The following USP32 variants were observed in gnomAD, a reference collection of about 807,000 sequenced individuals.
USP32 encodes ubiquitin specific peptidase 32.
USP32 carries 59 observed loss-of-function variants against 204.8 expected under a neutral mutation model. The ratio of observed to expected loss-of-function variants is 0.29; its 90% CI spans 0.23 to 0.36. The LOEUF (loss-of-function observed/expected upper bound fraction) is 0.36. Among genes scored for constraint, USP32 ranks in the 10% least tolerant of loss-of-function variants. The pLI, the probability that USP32 is intolerant of heterozygous loss-of-function variation, is 1.00. For synonymous variants in USP32, 517 were observed against 678.4 expected (o/e 0.76, Z 3.70); for missense variants, 1,160 against 1,946.4 (o/e 0.60, Z 7.60).
chr17:60,383,508 G>A (rs1034417053), intron 1 of USP32, among the ~76,000 whole-genome samples: 1 of 152,136 alleles, frequency 6.6e-6, no homozygotes, highest in Non-Finnish European at 1.5e-5. Context: ...GACAATAAAC[G>A]TGATAATTAC....
intron 24 of USP32, 50 bp from the exon 25 acceptor site, chr17:60,207,182 G>A (rs374846523): frequency 4.1e-4 from 639 of 1,573,726 alleles, no homozygotes; most frequent in Non-Finnish European, 4.9e-4. Flanking sequence ...CAGATAAAAT[G>A]GAAAAGTTCT....
intron 7 of USP32, among the ~76,000 whole-genome samples, chr17:60,267,994 C>T (rs966010831): frequency 2.0e-5 from 3 of 151,034 alleles, no homozygotes; most frequent in Admixed American, 1.3e-4. Flanking sequence ...TATTTTTAGC[C>T]GAGACTATGT....
chr17:60,327,054 T>C (rs2088257704), intron 2 of USP32, among the ~76,000 whole-genome samples: 1 of 152,170 alleles, frequency 6.6e-6, no homozygotes, highest in Non-Finnish European at 1.5e-5. Flanking sequence ...AGTTGTAGCA[T>C]GCTACAGCAC....
At chr17:60,286,136 C>CA (rs1170911336) in intron 5 of USP32, among the ~76,000 whole-genome samples, 7,305 of 83,898 alleles carry the variant, frequency 0.087, 620 homozygotes, top group African/African-American at 0.23. Flanking sequence ...ACAGTGTGTC[C>CA]AAAAAAAAAA....
chr17:60,316,303 A>AT (rs879738236), intron 2 of USP32: 20 of 155,822 alleles, frequency 1.3e-4, no homozygotes, highest in South Asian at 1.9e-4. Flanking sequence ...TGAACCCTAG[A>AT]TTTTTTTTTC....
At chr17:60,229,211 T>TA (rs2085479444) in intron 12 of USP32, among the ~76,000 whole-genome samples, 1 of 152,084 alleles carries the variant, frequency 6.6e-6, no homozygotes, top group East Asian at 1.9e-4. Flanking sequence ...AACTAATTTT[T>TA]AAAGTTTTCA....
At chr17:60,369,419 T>G (rs796955220) in intron 1 of USP32, among the ~76,000 whole-genome samples, 16 of 110,802 alleles carry the variant, frequency 1.4e-4, no homozygotes, top group African/African-American at 6.6e-4. Flanking sequence ...GCAAGACCCC[T>G]ACCTAAAAAA....
At chr17:60,316,980 G>A (rs958554174) in intron 2 of USP32, among the ~76,000 whole-genome samples, 1 of 152,168 alleles carries the variant, frequency 6.6e-6, no homozygotes, top group Admixed American at 6.5e-5. Context: ...GAAATATTTA[G>A]AACAAGCAAA....
In USP32 at chr17:60,212,032, C is replaced by T. The variant is rs1432049403; in HGVS notation, c.2171G>A (p.Arg724Lys). The T allele has an allele frequency of 6.3e-6, 10 of 1,590,964 alleles. No homozygotes were observed. The highest frequency in any genetic ancestry group is 8.6e-6 in the Non-Finnish European group (10 of 1,164,264). Reference protein sequence around the residue: ...SFIANSSKIDRHKVPTEKGAT... With the variant: ...SFIANSSKIDKHKVPTEKGAT... ...TAATACTGGAGACTTACCCTTGTGT[C>T]TATCTATTTTACTACTATTTGCTAT... is the stretch of plus-strand genomic sequence containing the variant. The change falls in exon 19 of 34, where the codon AGA (arginine) becomes AAA (lysine). Residue 724 changes from arginine (R) to lysine (K), a missense_variant. Physicochemically the swap from Arg to Lys is conservative, Grantham distance 26 (BLOSUM62 2). Around this residue, in one of 8 missense-constraint regions of USP32, gnomAD observed 132 missense variants for 432.8 expected, o/e 0.30. Transcript: ENST00000300896.
intron 18 of USP32, among the ~76,000 whole-genome samples, chr17:60,212,885 C>T (rs2085008053): frequency 1.3e-5 from 2 of 152,000 alleles, no homozygotes; most frequent in Non-Finnish European, 2.9e-5. Context: ...TCCTGAGTAG[C>T]TGGGACTACA....
intron 26 of USP32, among the ~76,000 whole-genome samples, chr17:60,200,418 G>A (rs529481210): frequency 6.6e-6 from 1 of 151,920 alleles, no homozygotes; most frequent in Non-Finnish European, 1.5e-5. Flanking sequence ...AAATTAGCCA[G>A]GCGTGGTGCC....
chr17:60,229,975 G>A (rs2085503320), intron 12 of USP32, among the ~76,000 whole-genome samples: 1 of 152,046 alleles, frequency 6.6e-6, no homozygotes. Context: ...CACTGCGCCT[G>A]GCTAATTTTT....
intron 1 of USP32, among the ~76,000 whole-genome samples, chr17:60,383,075 G>A (rs547222932): frequency 1.3e-5 from 2 of 151,892 alleles, no homozygotes; most frequent in South Asian, 2.1e-4. Flanking sequence ...CTGAAACCCC[G>A]TCTATATTAA....
intron 28 of USP32, 104 bp from the exon 29 acceptor site, chr17:60,190,787 G>T: frequency 6.7e-7 from 1 of 1,481,926 alleles, no homozygotes; most frequent in East Asian, 2.6e-5. Flanking sequence ...CTTTCCTCTT[G>T]GGCCTCACAA....
At chr17:60,196,810 G>A (rs2084531592) in intron 27 of USP32, among the ~76,000 whole-genome samples, 2 of 151,470 alleles carry the variant, frequency 1.3e-5, no homozygotes, top group South Asian at 2.1e-4. Flanking sequence ...GGGTGACAGA[G>A]CGAGACTCTG....
chr17:60,269,598 T>C, intron 6 of USP32, 41 bp from the exon 7 acceptor site: 2 of 1,491,704 alleles, frequency 1.3e-6, no homozygotes, highest in Non-Finnish European at 1.8e-6. Flanking sequence ...CAGCCAAGCT[T>C]CCTAATGTTA....
intron 11 of USP32, among the ~76,000 whole-genome samples, chr17:60,245,838 C>T (rs1206947913): frequency 6.7e-6 from 1 of 150,352 alleles, no homozygotes; most frequent in Non-Finnish European, 1.5e-5. Flanking sequence ...CTTTAGTTCA[C>T]CTTCTTTTTT....
At chr17:60,263,477 T>A (rs2086507070) in intron 9 of USP32, among the ~76,000 whole-genome samples, 1 of 152,216 alleles carries the variant, frequency 6.6e-6, no homozygotes, top group African/African-American at 2.4e-5. Context: ...AAACCCAAGT[T>A]CTATCCCAAA....
chr17:60,188,107 A>C (rs2084294562), intron 29 of USP32, among the ~76,000 whole-genome samples: 2 of 152,074 alleles, frequency 1.3e-5, no homozygotes. Context: ...CAGCCTCCCA[A>C]GTAGCTGGGA....
Sources: allele counts gnomAD v4.1 joint callset (sites outside exome capture counted in the v4.1 genomes callset), GRCh38; gene constraint gnomAD v4.1.1; regional missense constraint gnomAD v4.1.1; transcripts MANE v1.5; gene names NCBI Gene and HGNC (gene_info 2026-07-23, HGNC 2026-07-21).